FRMD4A: variants seen among roughly 807,000 people sequenced by gnomAD.
FRMD4A encodes FERM domain containing 4A, also known as FERM domain-containing protein 4A.
Under a neutral mutation model 129.1 loss-of-function variants are expected in FRMD4A, and 29 were observed. That is an observed-to-expected ratio of 0.22 (90% CI 0.17 to 0.31). FRMD4A has a LOEUF of 0.31. Ranked by LOEUF, FRMD4A falls within the 10% of genes least tolerant of loss-of-function variation. The probability of loss-of-function intolerance (pLI) is 1.00; values close to 1 mark genes in which losing one functional copy is unlikely to be tolerated. For missense variants in FRMD4A, 1,272 were observed against 1,375.8 expected, an observed-to-expected ratio of 0.92 and a Z score of 1.19; for synonymous variants, 634 against 571.6, an observed-to-expected ratio of 1.11 and a Z score of -1.56.
intron 2 of FRMD4A, among the ~76,000 whole-genome samples, chr10:13,964,771 C>T (rs112624509): frequency 6.6e-6 from 1 of 151,564 alleles, no homozygotes; most frequent in South Asian, 2.1e-4. Context: ...TCCCTGCAAC[C>T]TCCACCTCCT....
rs75613754 is a variant in FRMD4A, at chr10:13,916,208, G to A, written c.46-57296C>T. Among the ~76,000 whole-genome samples the A allele has an allele frequency of 0.012, 1,876 of 152,260 alleles. 88 individuals are homozygous for A. The East Asian group carries it at 0.17, about 14-fold the overall frequency. On this transcript the variant is annotated intron_variant, in intron 2 of 24. Coordinates refer to ENST00000357447, the MANE Select transcript of FRMD4A (RefSeq NM_018027.5). The stretch of plus-strand genomic sequence containing the variant: ...GGTTTCATTCTCTCTTCCCCACCAG[G>A]GAAGGGTCTCAGGGAGCCCCGCTCA...
intron 3 of FRMD4A, among the ~76,000 whole-genome samples, chr10:13,818,605 G>GT (rs1191232636): frequency 6.6e-6 from 1 of 152,100 alleles, no homozygotes; most frequent in African/African-American, 2.4e-5. Context: ...AATCTAGTCA[G>GT]TTAATATATC....
At chr10:14,033,388 G>T (rs1243894240) in intron 2 of FRMD4A, among the ~76,000 whole-genome samples, 1 of 152,166 alleles carries the variant, frequency 6.6e-6, no homozygotes, top group Non-Finnish European at 1.5e-5. Flanking sequence ...TATTGGTGGA[G>T]TGTGGGCTTC....
intron 12 of FRMD4A, among the ~76,000 whole-genome samples, chr10:13,724,686 T>C (rs979403317): frequency 6.6e-6 from 1 of 152,224 alleles, no homozygotes; most frequent in Admixed American, 6.5e-5. Context: ...TCAGGGCGGC[T>C]GCTACGTCAT....
At chr10:13,972,562 G>T (rs998868634) in intron 2 of FRMD4A, among the ~76,000 whole-genome samples, 4 of 152,004 alleles carry the variant, frequency 2.6e-5, no homozygotes, top group Admixed American at 2.6e-4. Context: ...CCGCATGAGG[G>T]GTTACTTCCT....
chr10:13,703,664 C>T lies in FRMD4A; in HGVS notation c.837-2186G>A, dbSNP rs185711241. Reference sequence around the variant, plus strand: ...TCTTCCCTACCTCAAATAAGCAAGGCCACAAGCAATAGGATGACACATTCA... The same window carrying T: ...TCTTCCCTACCTCAAATAAGCAAGGTCACAAGCAATAGGATGACACATTCA... On this transcript the variant is annotated intron_variant, in intron 13 of 24. Transcript: ENST00000357447. Among the ~76,000 whole-genome samples, 3 of 152,316 alleles carry T rather than the reference C, an allele frequency of 2.0e-5. No individual in the cohort carries two copies. The East Asian group carries it at 5.8e-4, about 29-fold the overall frequency.
intron 2 of FRMD4A, chr10:14,074,322 T>C (rs1484171967): frequency 2.0e-5 from 3 of 152,164 alleles, no homozygotes; most frequent in Non-Finnish European, 4.4e-5. Flanking sequence ...GGCCTCTACT[T>C]GTCCAGACCT....
chr10:13,917,999 C>T (rs1305512991), intron 2 of FRMD4A, among the ~76,000 whole-genome samples: 1 of 152,224 alleles, frequency 6.6e-6, no homozygotes, highest in Non-Finnish European at 1.5e-5. Flanking sequence ...ATCACTATTA[C>T]CTTAGTCAAC....
At chr10:13,940,967 G>A (rs922277231) in intron 2 of FRMD4A, among the ~76,000 whole-genome samples, 1 of 152,202 alleles carries the variant, frequency 6.6e-6, no homozygotes, top group African/African-American at 2.4e-5. Context: ...TATAAAGGAA[G>A]AAGCAGGATG....
At chr10:14,128,443 G>T (rs1045987211) in intron 2 of FRMD4A, among the ~76,000 whole-genome samples, 5 of 152,058 alleles carry the variant, frequency 3.3e-5, no homozygotes, top group African/African-American at 7.2e-5. Flanking sequence ...AAGTACACAT[G>T]GTCTCCCCTT....
At chr10:13,825,080 C>A (rs1452272529) in intron 3 of FRMD4A, among the ~76,000 whole-genome samples, 1 of 152,058 alleles carries the variant, frequency 6.6e-6, no homozygotes, top group African/African-American at 2.4e-5. Flanking sequence ...ATATATACTG[C>A]TTTTTGTCCT....
chr10:13,646,770 T>C lies in FRMD4A; in HGVS notation c.*268A>G, dbSNP rs915386029. ...TGGGACCGGAACCTTCCAGAATGTC[T>C]CCTCAGTCAGGTTTTCAAGGGGGAG... On this transcript the variant is annotated 3_prime_UTR_variant, in exon 25 of 25. Coordinates refer to ENST00000357447, the MANE Select transcript of FRMD4A (RefSeq NM_018027.5). 1.3e-5 allele frequency: 2 copies of C among 152,820 alleles called. No homozygotes were observed. Among genetic ancestry groups the C allele is most frequent in the African/African-American group, 4.8e-5 (2 of 41,380 alleles). 9.5% of individuals were successfully genotyped at this position (152,820 alleles called of 1,614,324 possible).
At chr10:14,158,567 A>G (rs1337680008) in intron 2 of FRMD4A, among the ~76,000 whole-genome samples, 2 of 152,036 alleles carry the variant, frequency 1.3e-5, no homozygotes, top group Non-Finnish European at 2.9e-5. Context: ...AGCAATAGTC[A>G]TGCCACAGCT....
chr10:13,948,058 A>G (rs1187165095), intron 2 of FRMD4A, among the ~76,000 whole-genome samples: 3 of 152,078 alleles, frequency 2.0e-5, no homozygotes, highest in Non-Finnish European at 4.4e-5. Context: ...TAAATTGAAA[A>G]AAAAAAAAAC....
Position 14,160,955 on chromosome 10 carries a change from A to AT in FRMD4A, c.45+169102dup, listed in dbSNP as rs199709125. Reference sequence around the variant, plus strand: ...AGCCATTATGGAAAACTGCATGAAGATTTTTTTTTTCTCTTGAGACGGGAG... The same window carrying AT: ...AGCCATTATGGAAAACTGCATGAAGATTTTTTTTTTTCTCTTGAGACGGGAG... On this transcript the variant is annotated intron_variant, in intron 2 of 24. Coordinates refer to ENST00000357447, the MANE Select transcript of FRMD4A (RefSeq NM_018027.5). 7.8e-4 allele frequency among the ~76,000 whole-genome samples: 117 copies of AT among 150,818 alleles called. 1 individual carries two copies. The East Asian group carries it at 9.4e-3, about 12-fold the overall frequency.
At chr10:13,958,261 G>A (rs1241894878) in intron 2 of FRMD4A, among the ~76,000 whole-genome samples, 3 of 147,728 alleles carry the variant, frequency 2.0e-5, no homozygotes, top group African/African-American at 7.5e-5. Flanking sequence ...ACAGTCGCGT[G>A]AACAACAGCC....
chr10:14,269,031 C>T (rs1253735977), intron 2 of FRMD4A, among the ~76,000 whole-genome samples: 1 of 152,166 alleles, frequency 6.6e-6, no homozygotes, highest in Non-Finnish European at 1.5e-5. Context: ...AATGGGAAAC[C>T]TCAGATATAT....
At chr10:13,718,362 A>G (rs983434326) in intron 12 of FRMD4A, among the ~76,000 whole-genome samples, 8 of 152,208 alleles carry the variant, frequency 5.3e-5, no homozygotes, top group Non-Finnish European at 1.0e-4. Flanking sequence ...GCCAGCAGAG[A>G]TAGGAGGCGG....
chr10:13,918,598 G>A (rs2095035604), intron 2 of FRMD4A, among the ~76,000 whole-genome samples: 3 of 151,470 alleles, frequency 2.0e-5, no homozygotes, highest in South Asian at 4.2e-4. Context: ...GTGTGATCTC[G>A]GCTCACTGCA....
Sources: allele counts gnomAD v4.1 joint callset (sites outside exome capture counted in the v4.1 genomes callset), GRCh38; gene constraint gnomAD v4.1.1; transcripts MANE v1.5; gene names NCBI Gene and HGNC (gene_info 2026-07-23, HGNC 2026-07-21).